OPA1: variants seen among roughly 807,000 people sequenced by gnomAD.
OPA1 encodes dynamin-like GTPase OPA1, mitochondrial.
In OPA1, 59 loss-of-function variants were observed where a neutral mutation model predicts 152.9. The observed-to-expected ratio is 0.39, with a 90% CI of 0.31 to 0.48. The LOEUF (loss-of-function observed/expected upper bound fraction) is 0.48, where lower values mean the gene tolerates loss of function less well. OPA1 is among the 20% of genes least tolerant of loss of function. The pLI, the probability that OPA1 is intolerant of heterozygous loss-of-function variation, is 0.96. For missense variants in OPA1, 1,008 were observed against 1,216.8 expected, an observed-to-expected ratio of 0.83 and a Z score of 2.55; for synonymous variants, 400 against 389.9, an observed-to-expected ratio of 1.03 and a Z score of -0.31.
chr3:193,604,288 C>T (rs1424716468), intron 1 of OPA1, among the ~76,000 whole-genome samples: 1 of 152,168 alleles, frequency 6.6e-6, no homozygotes, highest in Non-Finnish European at 1.5e-5. Flanking sequence ...AAGCTGGGGG[C>T]TGTTGTAAGG....
chr3:193,648,638 TA>T (rs772812433), intron 20 of OPA1, 156 bp from the exon 21 acceptor site: 118 of 575,162 alleles, frequency 2.1e-4, no homozygotes, highest in Middle Eastern at 6.5e-4. Context: ...ATGGCATTCC[TA>T]AAAAAAAACA....
intron 6 of OPA1, among the ~76,000 whole-genome samples, chr3:193,620,627 T>C (rs1333314077): frequency 6.6e-6 from 1 of 152,224 alleles, no homozygotes; most frequent in Non-Finnish European, 1.5e-5. Flanking sequence ...ACCAATTTTT[T>C]TTTTAACTAT....
At chr3:193,614,292 CT>C (rs1278165671) in intron 1 of OPA1, among the ~76,000 whole-genome samples, 1 of 152,196 alleles carries the variant, frequency 6.6e-6, no homozygotes, top group Admixed American at 6.5e-5. Flanking sequence ...TCAACTTTTA[CT>C]TACAGTGAAT....
chr3:193,662,805 TTTTAA>T lies in OPA1; in HGVS notation c.2521-16_2521-12del, dbSNP rs1475063040. On this transcript the variant is annotated splice_polypyrimidine_tract_variant and intron_variant, in intron 25 of 30. Transcript: ENST00000361510. The stretch of plus-strand genomic sequence containing the variant: ...TATGAACCATCTAAACACAGTCCTT[TTTTAA>T]ACATTTTAAAGTGTGTTCACAATGA... 5.0e-6 allele frequency: 8 copies of T among 1,610,734 alleles called. No homozygotes were observed. In the East Asian group the frequency reaches 1.8e-4, roughly 36 times the overall value.
At chr3:193,692,182 C>T in intron 30 of OPA1, 50 bp downstream of exon 30, 1 of 961,530 alleles carries the variant, frequency 1.0e-6, no homozygotes, top group Non-Finnish European at 1.6e-6. Context: ...TACAAAATTA[C>T]ACTTTTCTTA....
Position 193,666,323 on chromosome 3 carries a change from T to TGGCGTATACA in OPA1, c.2808_2817dup (p.Arg940AlafsTer21). ...GGAATGCAATGATGTGGTCTTGTTT[T>TGGCGTATACA]GGCGTATACAGCGCATGCTTGCTAT... On this transcript the variant is annotated frameshift_variant, in exon 28 of 31. Coordinates refer to ENST00000361510, the MANE Select transcript of OPA1 (RefSeq NM_130837.3). LOFTEE classifies it high-confidence loss of function. 1 of 1,614,210 alleles carries TGGCGTATACA rather than the reference T, an allele frequency of 6.2e-7. No individual in the cohort carries two copies. Among genetic ancestry groups the TGGCGTATACA allele is most frequent in the Non-Finnish European group, 8.5e-7 (1 of 1,180,014 alleles).
intron 1 of OPA1, among the ~76,000 whole-genome samples, chr3:193,606,339 C>T (rs1312450601): frequency 2.6e-5 from 4 of 152,022 alleles, no homozygotes; most frequent in Non-Finnish European, 5.9e-5. Flanking sequence ...CATATGTATA[C>T]ATGTGCCATG....
chr3:193,668,765 C>T (rs1362907771), intron 29 of OPA1: 8 of 1,232,968 alleles, frequency 6.5e-6, no homozygotes, highest in Non-Finnish European at 8.2e-6. Flanking sequence ...CTTGGCCCTA[C>T]TAATAATCAC....
At chr3:193,679,066 T>C (rs1389105958) in intron 29 of OPA1, among the ~76,000 whole-genome samples, 5 of 151,702 alleles carry the variant, frequency 3.3e-5, no homozygotes, top group Non-Finnish European at 5.9e-5. Flanking sequence ...CACTCATAAG[T>C]GGGAATTGAA....
intron 6 of OPA1, among the ~76,000 whole-genome samples, chr3:193,623,104 CG>C (rs113671979): frequency 0.024 from 3,686 of 152,240 alleles, 162 homozygotes; most frequent in African/African-American, 0.085. Context: ...CTGGCAGATT[CG>C]ATGTCTTTTG....
At chr3:193,660,447 A>G (rs1206155777) in intron 25 of OPA1, among the ~76,000 whole-genome samples, 3 of 152,200 alleles carry the variant, frequency 2.0e-5, no homozygotes, top group African/African-American at 4.8e-5. Flanking sequence ...CCTTGAATTC[A>G]TTTAGAGAAA....
Position 193,672,532 on chromosome 3 carries a change from C to T in OPA1, c.2983+5252C>T, listed in dbSNP as rs1309843455. ...GTAATCAGAGACTTATTGATACTGACACATTCAAGGGGCATTATTGATCAT... is the reference window on the plus strand; with the variant it reads ...GTAATCAGAGACTTATTGATACTGATACATTCAAGGGGCATTATTGATCAT... On this transcript the variant is annotated intron_variant, in intron 29 of 30. Coordinates refer to ENST00000361510, the MANE Select transcript of OPA1 (RefSeq NM_130837.3). Among the ~76,000 whole-genome samples, 7 of 152,162 alleles carry T rather than the reference C, an allele frequency of 4.6e-5. No individual in the cohort carries two copies. In the East Asian group the frequency reaches 1.3e-3, roughly 29 times the overall value.
chr3:193,616,679 G>A (rs950583265), intron 3 of OPA1, among the ~76,000 whole-genome samples: 8 of 152,186 alleles, frequency 5.3e-5, no homozygotes, highest in African/African-American at 1.7e-4. Flanking sequence ...TGAGAAAAAA[G>A]TATATTGGAT....
rs975830916 is a variant in OPA1, at chr3:193,617,937, T to A, written c.610+100T>A. ...TGCAGACCAAATTTATAATGCTGCT[T>A]ATGCTGAATTTTAAAACCCCAGAAC... On this transcript the variant is annotated intron_variant, in intron 5 of 30. Coordinates refer to ENST00000361510, the MANE Select transcript of OPA1 (RefSeq NM_130837.3). 3.9e-5 allele frequency: 31 copies of A among 798,168 alleles called. No homozygotes were observed. In the African/African-American group the frequency reaches 4.9e-4, roughly 13 times the overall value. The allele number at this position is 798,168 out of a possible 1,614,324, so 49.4% of individuals were successfully genotyped here.
intron 1 of OPA1, among the ~76,000 whole-genome samples, chr3:193,612,310 A>G (rs1244632278): frequency 1.3e-5 from 2 of 148,514 alleles, no homozygotes; most frequent in Non-Finnish European, 3.0e-5. Context: ...TCAGGGTGAA[A>G]GTGTAATTTA....
chr3:193,679,902 T>G lies in OPA1; in HGVS notation c.2984-12161T>G, dbSNP rs553166091. On this transcript the variant is annotated intron_variant, in intron 29 of 30. Transcript: ENST00000361510. ...TCCAGTTTAATGGAATAAATGAAAT[T>G]AGTTTAGAAGTTATTTTTATTTTTC... is the stretch of plus-strand genomic sequence containing the variant. Among the ~76,000 whole-genome samples the G allele has an allele frequency of 3.3e-5, 5 of 152,326 alleles. No homozygotes were observed. The East Asian group carries it at 9.6e-4, about 29-fold the overall frequency.
At chr3:193,658,307 C>T (rs1033113111) in intron 23 of OPA1, among the ~76,000 whole-genome samples, 4 of 150,728 alleles carry the variant, frequency 2.7e-5, no homozygotes, top group African/African-American at 9.7e-5. Context: ...CTTATTAAGA[C>T]TGGCTTACTG....
intron 7 of OPA1, chr3:193,627,204 G>A (rs1267351122): frequency 2.6e-5 from 4 of 152,146 alleles, no homozygotes; most frequent in African/African-American, 9.7e-5. Flanking sequence ...TCATTTGGTG[G>A]TGGTTAGTAC....
chr3:193,690,907 C>G (rs1263577874), intron 29 of OPA1, among the ~76,000 whole-genome samples: 2 of 152,068 alleles, frequency 1.3e-5, no homozygotes, highest in Non-Finnish European at 2.9e-5. Context: ...ATCATGCTTA[C>G]TATAACCTGT....
Sources: gnomAD v4.1 joint callset for allele counts (sites outside exome capture counted in the v4.1 genomes callset) on GRCh38, gnomAD v4.1.1 for gene constraint, MANE v1.5 for transcripts, NCBI Gene and HGNC (gene_info 2026-07-23, HGNC 2026-07-21) for gene names.